Variants in DSCAML1 observed in about 807,000 individuals in gnomAD.
DSCAML1 encodes DS cell adhesion molecule like 1.
Under a neutral mutation model 200.5 loss-of-function variants are expected in DSCAML1, and 38 were observed. The observed-to-expected ratio is 0.19, with a 90% confidence interval of 0.15 to 0.25. The LOEUF (loss-of-function observed/expected upper bound fraction) is 0.25, where lower values mean the gene tolerates loss of function less well. DSCAML1 is among the 10% of genes least tolerant of loss of function. The probability of loss-of-function intolerance (pLI) is 1.00; values close to 1 mark genes in which losing one functional copy is unlikely to be tolerated. For synonymous variants in DSCAML1, 1,215 were observed against 1,165.0 expected (o/e 1.04, Z -0.87); for missense variants, 2,223 against 2,858.8 (o/e 0.78, Z 5.07).
At chr11:117,520,985 GC>G in intron 6 of DSCAML1, 144 bp downstream of exon 6, 1 of 1,077,580 alleles carries the variant, frequency 9.3e-7, no homozygotes. Context: ...TCCACACAGG[GC>G]CCTTAGGGTG....
chr11:117,729,405 GA>G (rs1449856748), intron 3 of DSCAML1, among the ~76,000 whole-genome samples: 1 of 151,368 alleles, frequency 6.6e-6, no homozygotes, highest in African/African-American at 2.4e-5. Flanking sequence ...AGCAACAAAA[GA>G]AAAAAAATGG....
chr11:117,809,607 A>G (rs2055739290), intron 1 of DSCAML1, among the ~76,000 whole-genome samples: 1 of 152,212 alleles, frequency 6.6e-6, no homozygotes, highest in Non-Finnish European at 1.5e-5. Context: ...CTCGCAGTGA[A>G]GCCGGAGGCT....
At chr11:117,524,709 T>G (rs1411829962) in intron 5 of DSCAML1, 96 bp downstream of exon 5, 3 of 1,430,796 alleles carry the variant, frequency 2.1e-6, no homozygotes, top group Non-Finnish European at 2.8e-6. Flanking sequence ...CAGGGCCTGG[T>G]CAGAGACAGG....
chr11:117,533,224 C>A (rs1468569889), intron 3 of DSCAML1, among the ~76,000 whole-genome samples: 1 of 152,154 alleles, frequency 6.6e-6, no homozygotes, highest in Admixed American at 6.5e-5. Flanking sequence ...TCTTTCCTAC[C>A]TCTTTGCAAG....
chr11:117,797,196 T>G lies in DSCAML1; in HGVS notation c.-117A>C, dbSNP rs1046606294. ...GCACTCGGCGCCCCGCTCTCTCTGC[T>G]CCTCAGCCCAGCGCTCGGCTGCGGC... On this transcript the variant is annotated 5_prime_UTR_variant, in exon 1 of 33. Coordinates refer to ENST00000651296, the MANE Select transcript of DSCAML1 (RefSeq NM_020693.4). 1 of 1,542,166 alleles carries G rather than the reference T, an allele frequency of 6.5e-7. No individual in the cohort carries two copies. Among genetic ancestry groups the G allele is most frequent in the African/African-American group, 1.4e-5 (1 of 70,250 alleles).
At chr11:117,573,513 C>A (rs1002228469) in intron 3 of DSCAML1, among the ~76,000 whole-genome samples, 2 of 152,220 alleles carry the variant, frequency 1.3e-5, no homozygotes, top group Admixed American at 6.5e-5. Flanking sequence ...CCGCCCCACC[C>A]TCTGCTTCAG....
At chr11:117,441,982 ATG>A (rs1392570866) in intron 21 of DSCAML1, among the ~76,000 whole-genome samples, 2 of 151,346 alleles carry the variant, frequency 1.3e-5, no homozygotes, top group Non-Finnish European at 2.9e-5. Flanking sequence ...GTGTGTGCAT[ATG>A]TGTGTGTATG....
intron 3 of DSCAML1, among the ~76,000 whole-genome samples, chr11:117,726,251 CTGTGTGTGTGTGTGCG>C (rs1042135556): frequency 2.2e-4 from 33 of 149,170 alleles, no homozygotes; most frequent in African/African-American, 6.9e-4. Context: ...GTGTGTATCT[CTGTGTGTGTGTGTGCG>C]TGTGTGTGTG....
intron 3 of DSCAML1, among the ~76,000 whole-genome samples, chr11:117,774,736 G>A (rs192235342): frequency 6.6e-6 from 1 of 152,252 alleles, no homozygotes; most frequent in East Asian, 1.9e-4. Flanking sequence ...TTTATACGGT[G>A]GGTGAGGCAC....
chr11:117,739,561 A>G (rs2054383698), intron 3 of DSCAML1, among the ~76,000 whole-genome samples: 1 of 152,254 alleles, frequency 6.6e-6, no homozygotes, highest in Non-Finnish European at 1.5e-5. Context: ...TTTCATCTGT[A>G]GACAGCGTGA....
intron 3 of DSCAML1, among the ~76,000 whole-genome samples, chr11:117,563,249 C>G (rs550107325): frequency 6.6e-6 from 1 of 152,156 alleles, no homozygotes; most frequent in African/African-American, 2.4e-5. Flanking sequence ...TCAGCAAAGA[C>G]GGGATAAAGG....
At chr11:117,721,696 T>C (rs2054043759) in intron 3 of DSCAML1, among the ~76,000 whole-genome samples, 1 of 147,656 alleles carries the variant, frequency 6.8e-6, no homozygotes, top group South Asian at 2.1e-4. Context: ...TATTTATATA[T>C]AAAAATGTTT....
In DSCAML1 at chr11:117,797,212, C is replaced by G. The variant is rs1261787877; in HGVS notation, c.-133G>C. On this transcript the variant is annotated 5_prime_UTR_variant, in exon 1 of 33. Coordinates refer to ENST00000651296, the MANE Select transcript of DSCAML1 (RefSeq NM_020693.4). ...TCTCTCTGCTCCTCAGCCCAGCGCTCGGCTGCGGCGGCGGCTCCTCCCTCC... is the reference window on the plus strand; with the variant it reads ...TCTCTCTGCTCCTCAGCCCAGCGCTGGGCTGCGGCGGCGGCTCCTCCCTCC... 2.1e-5 allele frequency: 32 copies of G among 1,493,702 alleles called. No homozygotes were observed. The highest frequency in any genetic ancestry group is 2.8e-5 in the Non-Finnish European group (31 of 1,122,196). 92.5% of individuals were successfully genotyped at this position (1,493,702 alleles called of 1,614,324 possible).
At chr11:117,432,935 G>A (rs1194840400) in intron 29 of DSCAML1, among the ~76,000 whole-genome samples, 1 of 152,148 alleles carries the variant, frequency 6.6e-6, no homozygotes, top group Non-Finnish European at 1.5e-5. Flanking sequence ...GTCACAGAAA[G>A]GCCAGCAATT....
chr11:117,690,264 C>T (rs932246198), intron 3 of DSCAML1, among the ~76,000 whole-genome samples: 2 of 152,256 alleles, frequency 1.3e-5, no homozygotes, highest in Admixed American at 6.5e-5. Context: ...GATCCCTGCC[C>T]TCATGGCCAG....
chr11:117,620,949 C>T (rs2051915505), intron 3 of DSCAML1, among the ~76,000 whole-genome samples: 1 of 152,212 alleles, frequency 6.6e-6, no homozygotes, highest in South Asian at 2.1e-4. Context: ...TAGTACCAGG[C>T]ATACATAGTA....
intron 3 of DSCAML1, among the ~76,000 whole-genome samples, chr11:117,607,541 G>C (rs2051592933): frequency 6.6e-6 from 1 of 152,222 alleles, no homozygotes; most frequent in South Asian, 2.1e-4. Flanking sequence ...GAAGGGACTA[G>C]CTACAGAGGT....
intron 3 of DSCAML1, among the ~76,000 whole-genome samples, chr11:117,607,450 A>G (rs2051590236): frequency 6.6e-6 from 1 of 152,214 alleles, no homozygotes; most frequent in African/African-American, 2.4e-5. Flanking sequence ...CACAGCAGAG[A>G]CTGCCATGCA....
chr11:117,673,808 C>T (rs1203355494), intron 3 of DSCAML1, among the ~76,000 whole-genome samples: 2 of 152,250 alleles, frequency 1.3e-5, no homozygotes, highest in African/African-American at 4.8e-5. Flanking sequence ...AACTATTACA[C>T]TTCATTCCGG....
Sources: allele counts gnomAD v4.1 joint callset (sites outside exome capture counted in the v4.1 genomes callset), GRCh38; gene constraint gnomAD v4.1.1; transcripts MANE v1.5; gene names NCBI Gene and HGNC (gene_info 2026-07-23, HGNC 2026-07-21).